SAMSN1: variants seen among roughly 807,000 people sequenced by gnomAD.
SAMSN1 encodes SAM domain, SH3 domain and nuclear localization signals 1, also known as SAM domain-containing protein SAMSN-1.
In SAMSN1, 31 loss-of-function variants were observed where a neutral mutation model predicts 42.0. That is an observed-to-expected ratio of 0.74 (90% CI 0.55 to 1.00). The LOEUF is 1.00. Ranked by LOEUF, SAMSN1 falls within the 50% of genes least tolerant of loss-of-function variation. The pLI, the probability that SAMSN1 is intolerant of heterozygous loss-of-function variation, is 0.00. For missense variants in SAMSN1, 464 were observed against 439.4 expected, an observed-to-expected ratio of 1.06 and a Z score of -0.50; for synonymous variants, 178 against 151.9, an observed-to-expected ratio of 1.17 and a Z score of -1.26.
chr21:14,643,933 G>A (rs1348932546), intron 1 of SAMSN1, among the ~76,000 whole-genome samples: 1 of 152,146 alleles, frequency 6.6e-6, no homozygotes, highest in Non-Finnish European at 1.5e-5. Context: ...AGAAAACCCA[G>A]ACCAAACTCA....
At chr21:14,589,589 G>T (rs1276909391) in intron 7 of SAMSN1, among the ~76,000 whole-genome samples, 3 of 151,926 alleles carry the variant, frequency 2.0e-5, no homozygotes, top group Non-Finnish European at 4.4e-5. Flanking sequence ...ACATATATTT[G>T]CTGGAAAGGC....
At chr21:14,604,277 G>GT (rs983272544) in intron 5 of SAMSN1, among the ~76,000 whole-genome samples, 30 of 152,092 alleles carry the variant, frequency 2.0e-4, no homozygotes, top group African/African-American at 6.8e-4. Flanking sequence ...CATTCCGTGT[G>GT]TTTTTTTGCA....
In SAMSN1 at chr21:14,621,350, G is replaced by A. The variant is rs143452623; in HGVS notation, c.157-5334C>T. On this transcript the variant is annotated intron_variant, in intron 2 of 15. Transcript: ENST00000647101. ...GTGAGCCGAAGCAGGACAAGGCATC[G>A]CCTCACCTGGGAAGCACAAGGGACC... Among the ~76,000 whole-genome samples, 1,153 of 152,264 alleles carry A rather than the reference G, an allele frequency of 7.6e-3. 4 individuals carry two copies. Among genetic ancestry groups the A allele is most frequent in the Non-Finnish European group, 0.013 (882 of 68,008 alleles).
At chr21:14,496,410 T>C (rs966127098) in intron 7 of SAMSN1, 4 of 152,228 alleles carry the variant, frequency 2.6e-5, no homozygotes, top group East Asian at 1.9e-4. Context: ...TGTGCTATTA[T>C]GGAAGAAAAG....
intron 1 of SAMSN1, among the ~76,000 whole-genome samples, chr21:14,529,985 A>AT (rs1247481616): frequency 6.6e-6 from 1 of 152,206 alleles, no homozygotes. Context: ...AAATTAGTAG[A>AT]TTTGTATAAT....
At chr21:14,505,783 A>G (rs1292975145) in intron 5 of SAMSN1, among the ~76,000 whole-genome samples, 2 of 152,150 alleles carry the variant, frequency 1.3e-5, no homozygotes, top group African/African-American at 4.8e-5. Flanking sequence ...CCATCCAACA[A>G]CCTCAGAATA....
chr21:14,636,177 A>G (rs1983463226), intron 2 of SAMSN1, among the ~76,000 whole-genome samples: 1 of 152,212 alleles, frequency 6.6e-6, no homozygotes, highest in South Asian at 2.1e-4. Flanking sequence ...GAGAGCAGAA[A>G]TAAAATGTAA....
chr21:14,493,499 C>G (rs1568763176), intron 7 of SAMSN1, among the ~76,000 whole-genome samples: 12 of 151,104 alleles, frequency 7.9e-5, no homozygotes. Context: ...CTATAAACAA[C>G]AGTAAACCAG....
intron 1 of SAMSN1, among the ~76,000 whole-genome samples, chr21:14,524,494 C>G (rs1285696403): frequency 6.6e-6 from 1 of 152,096 alleles, no homozygotes; most frequent in African/African-American, 2.4e-5. Context: ...TCCAGTCTTT[C>G]CTTATGCAAT....
intron 2 of SAMSN1, among the ~76,000 whole-genome samples, chr21:14,561,991 T>C (rs951727916): frequency 2.0e-5 from 3 of 152,248 alleles, no homozygotes; most frequent in African/African-American, 7.2e-5. Flanking sequence ...TTTTGGACTT[T>C]TAGCCTCCAG....
intron 4 of SAMSN1, chr21:14,612,707 T>G (rs1383907597): frequency 1.5e-6 from 1 of 656,992 alleles, no homozygotes; most frequent in East Asian, 2.9e-5. Context: ...CATAGCCATT[T>G]AAAGTTAGAA....
chr21:14,633,779 A>G (rs987614015), intron 2 of SAMSN1, among the ~76,000 whole-genome samples: 2 of 152,204 alleles, frequency 1.3e-5, no homozygotes, highest in Admixed American at 1.3e-4. Context: ...GAGGTCATGG[A>G]TGCTGCCTTT....
intron 1 of SAMSN1, among the ~76,000 whole-genome samples, chr21:14,653,801 A>G (rs552234180): frequency 6.6e-6 from 1 of 151,848 alleles, no homozygotes; most frequent in Non-Finnish European, 1.5e-5. Context: ...CAAAAATTTT[A>G]AAAATTTGAA....
In SAMSN1 at chr21:14,546,211, T is replaced by A. The variant is rs755331469; in HGVS notation, c.51A>T (p.Lys17Asn). ...ATGTATGAAATCACCTTACCTTTGG[T>A]TTTTGATGTTTCTCCTTCTCTGAAA... ...SNVSEKEKHQ[K>N]PKRSSSFGNF... The change falls in exon 1 of 8, where the codon AAA (lysine) becomes AAT (asparagine). Residue 17 changes from lysine to asparagine, a missense_variant. Lys to Asn is a moderately conservative substitution (Grantham distance 94, BLOSUM62 0). Coordinates refer to ENST00000400566, the MANE Select transcript of SAMSN1 (RefSeq NM_022136.5). The A allele has an allele frequency of 6.2e-7, 1 of 1,612,792 alleles. No homozygotes were observed. The highest frequency in any genetic ancestry group is 1.3e-5 in the African/African-American group (1 of 74,892).
chr21:14,614,828 AG>A (rs150532530), intron 3 of SAMSN1, among the ~76,000 whole-genome samples: 3,954 of 152,246 alleles, frequency 0.026, 101 homozygotes, highest in South Asian at 0.079. Context: ...GCCAAAAAAA[AG>A]AAATTAAGGA....
chr21:14,567,086 G>A (rs756573546), intron 2 of SAMSN1, among the ~76,000 whole-genome samples: 5 of 152,122 alleles, frequency 3.3e-5, no homozygotes, highest in Non-Finnish European at 7.4e-5. Flanking sequence ...TATGCCAGGT[G>A]CCTTCGGTCA....
At chr21:14,648,160 C>T (rs1378726988) in intron 1 of SAMSN1, among the ~76,000 whole-genome samples, 1 of 151,880 alleles carries the variant, frequency 6.6e-6, no homozygotes, top group Non-Finnish European at 1.5e-5. Flanking sequence ...AAATACATCC[C>T]ATCAATACCT....
rs1005548471 is a variant in SAMSN1 at position 14,524,956 on chromosome 21, T to G, written c.58-3735A>C. On this transcript the variant is annotated intron_variant, in intron 1 of 7. Coordinates refer to ENST00000400566, the MANE Select transcript of SAMSN1 (RefSeq NM_022136.5). ...ATTGGGAAATGTTATAATTATATTC[T>G]GAAAACTAACAAATAAAGGGACAAC... Among the ~76,000 whole-genome samples, 5 of 152,296 alleles carry G rather than the reference T, an allele frequency of 3.3e-5. 1 individual carries two copies.
chr21:14,592,611 C>A, intron 7 of SAMSN1: 1 of 377,408 alleles, frequency 2.6e-6, no homozygotes, highest in Non-Finnish European at 5.7e-6. Flanking sequence ...TAAGTATCTT[C>A]TTTTGTTACT....
Sources: allele counts gnomAD v4.1 joint callset (sites outside exome capture counted in the v4.1 genomes callset), GRCh38; gene constraint gnomAD v4.1.1; transcripts MANE v1.5; gene names NCBI Gene and HGNC (gene_info 2026-07-23, HGNC 2026-07-21).